Variants in RCBTB1 observed in about 807,000 individuals in gnomAD.
RCBTB1 encodes RCC1 and BTB domain-containing protein 1.
A neutral mutation model predicts 62.4 loss-of-function variants in RCBTB1; 46 were observed. That is an observed-to-expected ratio of 0.74 (90% CI 0.58 to 0.94). The LOEUF is 0.94. RCBTB1 is among the 40% of genes least tolerant of loss of function. The probability of loss-of-function intolerance (pLI) is 0.00; values close to 1 mark genes in which losing one functional copy is unlikely to be tolerated. For synonymous variants in RCBTB1, 222 were observed against 245.8 expected (o/e 0.90, Z 0.91); for missense variants, 565 against 654.9 (o/e 0.86, Z 1.50).
At chr13:49,567,831 T>C (rs1001100745) in intron 2 of RCBTB1, among the ~76,000 whole-genome samples, 2 of 152,190 alleles carry the variant, frequency 1.3e-5, no homozygotes, top group South Asian at 4.1e-4. Context: ...CGCCGTCAAA[T>C]CAGGCTATTC....
chr13:49,534,762 G>A (rs892803313), intron 12 of RCBTB1, among the ~76,000 whole-genome samples: 6 of 152,216 alleles, frequency 3.9e-5, no homozygotes, highest in African/African-American at 7.2e-5. Context: ...AGCCGGGCAC[G>A]GTGGCTCACG....
intron 2 of RCBTB1, among the ~76,000 whole-genome samples, 161 bp from the exon 3 acceptor site, chr13:49,567,481 C>T (rs1476408961): frequency 6.6e-6 from 1 of 152,184 alleles, no homozygotes; most frequent in East Asian, 1.9e-4. Context: ...TGTGTGCAAT[C>T]CCTCCTCCAC....
intron 4 of RCBTB1, among the ~76,000 whole-genome samples, chr13:49,563,734 C>T (rs368475555): frequency 6.6e-6 from 1 of 152,190 alleles, no homozygotes; most frequent in Non-Finnish European, 1.5e-5. Flanking sequence ...AGATAATCAC[C>T]TCATTATGCT....
chr13:49,558,028 C>T (rs1372615915), intron 5 of RCBTB1, among the ~76,000 whole-genome samples: 1 of 152,178 alleles, frequency 6.6e-6, no homozygotes, highest in Non-Finnish European at 1.5e-5. Flanking sequence ...CCTTGAAAAA[C>T]GTCATTTCAT....
chr13:49,578,408 T>A (rs1594357307), intron 2 of RCBTB1, among the ~76,000 whole-genome samples: 1 of 152,234 alleles, frequency 6.6e-6, no homozygotes, highest in African/African-American at 2.4e-5. Context: ...TACAGAGAGC[T>A]GACTTTAATA....
intron 2 of RCBTB1, among the ~76,000 whole-genome samples, chr13:49,576,864 G>GATA (rs1963820496): frequency 6.6e-6 from 1 of 151,670 alleles, no homozygotes; most frequent in Admixed American, 6.6e-5. Flanking sequence ...ACTGTATAAA[G>GATA]ATAAAACAAG....
intron 4 of RCBTB1, among the ~76,000 whole-genome samples, chr13:49,561,081 C>T (rs1419377546): frequency 6.6e-6 from 1 of 152,200 alleles, no homozygotes; most frequent in Non-Finnish European, 1.5e-5. Flanking sequence ...TCGTTTCAGG[C>T]ATTTCTTTCC....
At chr13:49,539,085 G>C (rs377096420) in intron 12 of RCBTB1, among the ~76,000 whole-genome samples, 1 of 151,794 alleles carries the variant, frequency 6.6e-6, no homozygotes, top group South Asian at 2.1e-4. Flanking sequence ...GGCCAGGCTG[G>C]TCTCAAACTC....
intron 4 of RCBTB1, among the ~76,000 whole-genome samples, chr13:49,565,873 T>C (rs1962949305): frequency 1.3e-5 from 2 of 151,778 alleles, no homozygotes; most frequent in African/African-American, 2.4e-5. Flanking sequence ...GCTGTGTCTG[T>C]GTAGAAAGAA....
chr13:49,568,287 T>C (rs1963160654), intron 2 of RCBTB1, among the ~76,000 whole-genome samples: 1 of 152,240 alleles, frequency 6.6e-6, no homozygotes, highest in African/African-American at 2.4e-5. Context: ...ATTTACCTTA[T>C]TTTCTACTGA....
At chr13:49,558,147 C>T (rs373300707) in intron 5 of RCBTB1, among the ~76,000 whole-genome samples, 2 of 152,330 alleles carry the variant, frequency 1.3e-5, no homozygotes, top group African/African-American at 2.4e-5. Context: ...TCTCTGGGTA[C>T]TCTGATTTCC....
At chr13:49,555,759 T>A (rs1961807147) in intron 5 of RCBTB1, 86 bp from the exon 6 acceptor site, 2 of 997,160 alleles carry the variant, frequency 2.0e-6, no homozygotes, top group Non-Finnish European at 2.9e-6. Context: ...ATTAAAATTA[T>A]CCTACTTAAT....
At chr13:49,553,796 A>G (rs1214886840) in intron 6 of RCBTB1, among the ~76,000 whole-genome samples, 1 of 152,236 alleles carries the variant, frequency 6.6e-6, no homozygotes, top group South Asian at 2.1e-4. Flanking sequence ...AGTGTAACAG[A>G]CATGAACTTT....
intron 9 of RCBTB1, 86 bp from the exon 10 acceptor site, chr13:49,544,949 T>C (rs974408752): frequency 2.2e-5 from 25 of 1,112,986 alleles, no homozygotes; most frequent in Non-Finnish European, 2.6e-5. Context: ...ATCATGACCG[T>C]GATGGATAAT....
Position 49,570,675 on chromosome 13 carries a change from G to A in RCBTB1, c.-41-3355C>T, listed in dbSNP as rs893310898. 1.9e-4 allele frequency among the ~76,000 whole-genome samples: 29 copies of A among 152,240 alleles called. 1 individual carries two copies. Among genetic ancestry groups the A allele is most frequent in the African/African-American group, 6.0e-4 (25 of 41,464 alleles). ...AGAGGCAGTAATATTGGCCAAGCAAGTAATTATCCCTAGCAAGACAATCAA... is the reference window on the plus strand; with the variant it reads ...AGAGGCAGTAATATTGGCCAAGCAAATAATTATCCCTAGCAAGACAATCAA... On this transcript the variant is annotated intron_variant, in intron 2 of 12. Coordinates refer to ENST00000378302, the MANE Select transcript of RCBTB1 (RefSeq NM_018191.4).
At chr13:49,557,171 G>A (rs1961990305) in intron 5 of RCBTB1, among the ~76,000 whole-genome samples, 1 of 152,182 alleles carries the variant, frequency 6.6e-6, no homozygotes, top group South Asian at 2.1e-4. Context: ...ACTTCAAAGA[G>A]AGGAACAGTA....
intron 2 of RCBTB1, among the ~76,000 whole-genome samples, chr13:49,573,453 T>TC (rs1399349636): frequency 6.6e-6 from 1 of 150,908 alleles, no homozygotes; most frequent in African/African-American, 2.4e-5. Context: ...CTCATCTTTT[T>TC]TTTTTTTTTT....
chr13:49,550,338 G>T, intron 8 of RCBTB1: 1 of 499,820 alleles, frequency 2.0e-6, no homozygotes, highest in Non-Finnish European at 2.6e-6. Context: ...AACACTCATT[G>T]GGCTGATAAG....
chr13:49,571,021 A>C (rs1963361075), intron 2 of RCBTB1, among the ~76,000 whole-genome samples: 1 of 152,214 alleles, frequency 6.6e-6, no homozygotes, highest in African/African-American at 2.4e-5. Context: ...GTAAATGTAC[A>C]GCAGCATCTG....
Sources: gnomAD v4.1 joint callset for allele counts (sites outside exome capture counted in the v4.1 genomes callset) on GRCh38, gnomAD v4.1.1 for gene constraint, MANE v1.5 for transcripts, NCBI Gene and HGNC (gene_info 2026-07-23, HGNC 2026-07-21) for gene names.